Variants in ABCC11 observed in about 807,000 individuals in gnomAD.
The protein encoded by ABCC11 is ATP-binding cassette sub-family C member 11.
Under a neutral mutation model 149.3 loss-of-function variants are expected in ABCC11, and 135 were observed. The ratio of observed to expected loss-of-function variants is 0.90; its 90% CI spans 0.79 to 1.04. The LOEUF (loss-of-function observed/expected upper bound fraction) is 1.04, where lower values mean the gene tolerates loss of function less well. ABCC11 is among the 50% of genes least tolerant of loss of function. ABCC11 has a pLI of 0.00. For synonymous variants in ABCC11, 665 were observed against 671.4 expected (o/e 0.99, Z 0.15); for missense variants, 1,680 against 1,722.1 (o/e 0.98, Z 0.43).
At chr16:48,239,560 A>AC (rs1970858695) in intron 1 of ABCC11, among the ~76,000 whole-genome samples, 1 of 129,346 alleles carries the variant, frequency 7.7e-6, no homozygotes, top group East Asian at 2.0e-4. Context: ...AGACTGTGTC[A>AC]CAAAAAAAAA....
chr16:48,222,532 AG>A, intron 6 of ABCC11, 65 bp downstream of exon 6: 1 of 1,388,462 alleles, frequency 7.2e-7, no homozygotes. Flanking sequence ...CTTGGCCCCC[AG>A]GGCAGTTATG....
chr16:48,225,405 G>A (rs567812629), intron 4 of ABCC11, among the ~76,000 whole-genome samples: 16 of 152,270 alleles, frequency 1.1e-4, no homozygotes, highest in African/African-American at 3.6e-4. Context: ...ATCTGTAAGC[G>A]TTTCCCCTTG....
intron 1 of ABCC11, among the ~76,000 whole-genome samples, chr16:48,246,541 G>T (rs1304682849): frequency 2.0e-5 from 3 of 152,114 alleles, no homozygotes; most frequent in Non-Finnish European, 4.4e-5. Flanking sequence ...GTATTATTCT[G>T]GCAAGATTTT....
chr16:48,176,900 G>C (rs185651615), intron 25 of ABCC11, 24 bp downstream of exon 25: 1 of 1,608,666 alleles, frequency 6.2e-7, no homozygotes. Context: ...AGCTGGGGAC[G>C]CTCGCCCAGG....
chr16:48,171,263 G>A (rs1019830586), intron 26 of ABCC11, among the ~76,000 whole-genome samples: 1 of 152,182 alleles, frequency 6.6e-6, no homozygotes, highest in African/African-American at 2.4e-5. Flanking sequence ...TAAGCCAATC[G>A]ACATACAGCA....
intron 13 of ABCC11, among the ~76,000 whole-genome samples, chr16:48,204,688 C>A (rs1338568054): frequency 6.6e-6 from 1 of 152,172 alleles, no homozygotes; most frequent in East Asian, 1.9e-4. Context: ...TCCTACACCT[C>A]CATATCTATG....
At chr16:48,222,542 T>C (rs936558407) in intron 6 of ABCC11, 56 bp downstream of exon 6, 8 of 1,473,132 alleles carry the variant, frequency 5.4e-6, no homozygotes, top group Non-Finnish European at 6.6e-6. Context: ...AGGGCAGTTA[T>C]GTCCGGAGGA....
At position 48,193,963 on chromosome 16, in the gene ABCC11, T is replaced by C. The variant is rs1287084860; in HGVS notation, c.2424A>G (p.Ile808Met). The C allele has an allele frequency of 6.2e-7, 1 of 1,613,196 alleles. No individual in the cohort carries two copies. Among genetic ancestry groups the C allele is most frequent in the African/African-American group, 1.3e-5 (1 of 74,962 alleles). The change falls in exon 19 of 30, where the codon ATA (isoleucine) becomes ATG (methionine). Residue 808 changes from isoleucine (I) to methionine (M), a missense_variant. Physicochemically the swap from Ile to Met is conservative, Grantham distance 10. Transcript: ENST00000356608. ...QAAGGYMVSCIIFFFVVLIVF... is the reference protein window; with the variant it reads ...QAAGGYMVSCMIFFFVVLIVF... ...CGATCAGCACCACGAAGAAGAAAAT[T>C]ATGCAAGAGACCATGTAACCTGGGA...
intron 1 of ABCC11, among the ~76,000 whole-genome samples, chr16:48,234,388 T>A (rs1293241837): frequency 1.3e-5 from 2 of 152,208 alleles, no homozygotes; most frequent in African/African-American, 2.4e-5. Flanking sequence ...TTTTTATTAA[T>A]GTTTGTGTTT....
Position 48,187,447 on chromosome 16 carries a change from G to T in ABCC11, c.2707-20C>A. On this transcript the variant is annotated intron_variant, in intron 20 of 29. Transcript: ENST00000356608. ...GAAAACCTGCAGGGACAAAATCAAC[G>T]CAGACCATGAGAGAAGCTGCAGGCC... 1.3e-6 allele frequency: 2 copies of T among 1,581,038 alleles called. No homozygotes were observed. Among genetic ancestry groups the T allele is most frequent in the Non-Finnish European group, 1.7e-6 (2 of 1,158,264 alleles).
chr16:48,231,899 C>T lies in ABCC11; in HGVS notation c.23G>A (p.Trp8Ter). The change falls in exon 2 of 30, where the codon TGG becomes TAG. Residue 8 changes from tryptophan to a stop codon, truncating the protein, a stop_gained. Coordinates refer to ENST00000356608, the MANE Select transcript of ABCC11 (RefSeq NM_001370497.1). LOFTEE classifies it high-confidence loss of function. ...GAGGCCACCAGAAGAGTTGGGCACC[C>T]AGTATGTCCTCTTCCTAGTCATTTT... MTRKRTYWVPNSSGGLVN... is the reference protein window; with the variant it reads MTRKRTY 1 of 1,614,174 alleles carries T rather than the reference C, an allele frequency of 6.2e-7. No individual in the cohort carries two copies.
chr16:48,231,456 G>A (rs1209642432), intron 2 of ABCC11, among the ~76,000 whole-genome samples: 4 of 151,974 alleles, frequency 2.6e-5, no homozygotes, highest in Admixed American at 2.6e-4. Flanking sequence ...GAGGCCAGGA[G>A]TTCATGACAA....
At chr16:48,225,681 A>G (rs1015988934) in intron 4 of ABCC11, among the ~76,000 whole-genome samples, 1 of 152,154 alleles carries the variant, frequency 6.6e-6, no homozygotes, top group African/African-American at 2.4e-5. Flanking sequence ...CTGGTGTCCC[A>G]CTTTTAGGAA....
rs139771120 is a variant in ABCC11 at position 48,170,116 on chromosome 16, G to A, written c.3880C>T (p.Arg1294Cys). ...QLLCIARAVL[R>C]NSKIILIDEA... ...AGTGGTGGCCTCACCTTGGAGTTGC[G>A]AAGCACAGCCCTGGCAATGCAGAGC... Residue 1294 changes from arginine to cysteine, a missense_variant, in exon 28 of 30, where the codon CGC becomes TGC. By Grantham distance (180) the Arg-to-Cys change is radical (BLOSUM62 -3). Transcript: ENST00000356608. The A allele has an allele frequency of 4.2e-5, 68 of 1,613,718 alleles. No homozygotes were observed. The highest frequency in any genetic ancestry group is 3.1e-4 in the East Asian group (14 of 44,856).
rs370988160 is a variant in ABCC11 at position 48,200,397 on chromosome 16, A to G, written c.1961T>C (p.Ile654Thr). Reference sequence around the variant, plus strand: ...AGACAGGGGGTCGTCCAGCAGGTAGATCTGACGGTCGGAATAGACGGCGCG... The same window carrying G: ...AGACAGGGGGTCGTCCAGCAGGTAGGTCTGACGGTCGGAATAGACGGCGCG... Reference protein sequence around the residue: ...LARAVYSDRQIYLLDDPLSAV... With the variant: ...LARAVYSDRQTYLLDDPLSAV... The change falls in exon 15 of 30, where the codon ATC (isoleucine) becomes ACC (threonine). Residue 654 changes from isoleucine to threonine, a missense_variant. Physicochemically the swap from Ile to Thr is moderately conservative, Grantham distance 89 (BLOSUM62 -1). Coordinates refer to ENST00000356608, the MANE Select transcript of ABCC11 (RefSeq NM_001370497.1). 2.7e-5 allele frequency: 44 copies of G among 1,614,222 alleles called. No homozygotes were observed. The highest frequency in any genetic ancestry group is 3.4e-5 in the Non-Finnish European group (40 of 1,180,032).
At chr16:48,210,878 G>A in intron 11 of ABCC11, 70 bp downstream of exon 11, 1 of 1,563,468 alleles carries the variant, frequency 6.4e-7, no homozygotes, top group Admixed American at 1.8e-5. Context: ...TGGGGCACCT[G>A]GCCAAGCTCC....
chr16:48,201,687 T>C (rs1465974399), intron 14 of ABCC11, among the ~76,000 whole-genome samples: 2 of 152,144 alleles, frequency 1.3e-5, no homozygotes, highest in African/African-American at 4.8e-5. Flanking sequence ...AAAGACTATT[T>C]GCACTGTGTG....
chr16:48,203,740 T>C (rs533075975), intron 13 of ABCC11, among the ~76,000 whole-genome samples: 46 of 152,246 alleles, frequency 3.0e-4, no homozygotes, highest in African/African-American at 1.1e-3. Flanking sequence ...TGCTGGTGCG[T>C]GCCTGTAGTC....
intron 1 of ABCC11, among the ~76,000 whole-genome samples, chr16:48,241,516 A>T (rs1319164422): frequency 6.6e-6 from 1 of 152,200 alleles, no homozygotes; most frequent in Admixed American, 6.5e-5. Flanking sequence ...GCTACCAATG[A>T]CTTTCTTCAC....
Sources: allele counts gnomAD v4.1 joint callset (sites outside exome capture counted in the v4.1 genomes callset), GRCh38; gene constraint gnomAD v4.1.1; transcripts MANE v1.5; gene names NCBI Gene and HGNC (gene_info 2026-07-23, HGNC 2026-07-21).